The following ZHX2 variants were observed in gnomAD, a reference collection of about 807,000 sequenced individuals.
ZHX2 encodes the protein zinc fingers and homeoboxes protein 2.
In ZHX2, 6 loss-of-function variants were observed where a neutral mutation model predicts 21.9. The observed-to-expected ratio is 0.27, with a 90% CI of 0.15 to 0.54. The LOEUF (loss-of-function observed/expected upper bound fraction) is 0.54. ZHX2 is among the 20% of genes least tolerant of loss of function. The pLI is 0.95. For synonymous variants in ZHX2, 434 were observed against 437.1 expected (o/e 0.99, Z 0.09); for missense variants, 908 against 1,090.7 (o/e 0.83, Z 2.36).
At chr8:122,788,879 GGA>G (rs1423232532) in intron 1 of ZHX2, among the ~76,000 whole-genome samples, 1 of 152,220 alleles carries the variant, frequency 6.6e-6, no homozygotes, top group African/African-American at 2.4e-5. Flanking sequence ...AGTCAAAACA[GGA>G]GAGAATTACA....
intron 2 of ZHX2, among the ~76,000 whole-genome samples, chr8:122,901,124 G>A (rs1014942428): frequency 6.6e-6 from 1 of 152,136 alleles, no homozygotes; most frequent in African/African-American, 2.4e-5. Flanking sequence ...AAATTATTAA[G>A]CAAAGAGTAA....
intron 2 of ZHX2, among the ~76,000 whole-genome samples, chr8:122,884,736 C>G (rs1819799925): frequency 6.6e-6 from 1 of 152,158 alleles, no homozygotes; most frequent in Admixed American, 6.5e-5. Flanking sequence ...GTGCAGTGGG[C>G]CAAGCAGACC....
chr8:122,905,456 CATT>C (rs1409201685), intron 2 of ZHX2, among the ~76,000 whole-genome samples: 1 of 152,154 alleles, frequency 6.6e-6, no homozygotes, highest in African/African-American at 2.4e-5. Flanking sequence ...GTAGTCAAGA[CATT>C]ATCAGATGAA....
At chr8:122,820,604 G>T (rs1364440463) in intron 1 of ZHX2, among the ~76,000 whole-genome samples, 2 of 152,176 alleles carry the variant, frequency 1.3e-5, no homozygotes, top group Non-Finnish European at 2.9e-5. Flanking sequence ...GCTGTCTTGG[G>T]ATTGATACGG....
intron 2 of ZHX2, among the ~76,000 whole-genome samples, chr8:122,909,362 G>A (rs1342431672): frequency 6.6e-6 from 1 of 151,920 alleles, no homozygotes; most frequent in African/African-American, 2.4e-5. Flanking sequence ...GAACCCAGGA[G>A]GTGGAGGTTG....
At chr8:122,865,201 T>C (rs1159444268) in intron 2 of ZHX2, among the ~76,000 whole-genome samples, 1 of 151,478 alleles carries the variant, frequency 6.6e-6, no homozygotes, top group Non-Finnish European at 1.5e-5. Flanking sequence ...CGATCTCTGC[T>C]CACTGCAAGT....
At chr8:122,888,513 C>T (rs1041223364) in intron 2 of ZHX2, among the ~76,000 whole-genome samples, 1 of 152,062 alleles carries the variant, frequency 6.6e-6, no homozygotes, top group Non-Finnish European at 1.5e-5. Context: ...TGGAGTTTCA[C>T]TCCCATTGCC....
chr8:122,856,067 A>G (rs1035524944), intron 1 of ZHX2, among the ~76,000 whole-genome samples: 1 of 152,248 alleles, frequency 6.6e-6, no homozygotes, highest in African/African-American at 2.4e-5. Flanking sequence ...TTCAAATCAC[A>G]GCACGTCACT....
chr8:122,939,446 C>T (rs913926590), intron 2 of ZHX2, among the ~76,000 whole-genome samples: 4 of 152,090 alleles, frequency 2.6e-5, no homozygotes, highest in Non-Finnish European at 5.9e-5. Flanking sequence ...CTTTGTTTGC[C>T]TTTTTATGGA....
At chr8:122,913,820 G>A (rs1820536474) in intron 2 of ZHX2, among the ~76,000 whole-genome samples, 1 of 152,156 alleles carries the variant, frequency 6.6e-6, no homozygotes, top group African/African-American at 2.4e-5. Context: ...CCTCTCTTAT[G>A]ACAAAGGAAG....
chr8:122,837,858 T>G (rs1818538946), intron 1 of ZHX2, among the ~76,000 whole-genome samples: 3 of 152,172 alleles, frequency 2.0e-5, no homozygotes, highest in African/African-American at 7.2e-5. Flanking sequence ...TGACTTCCTC[T>G]TATTGGGTAA....
intron 2 of ZHX2, among the ~76,000 whole-genome samples, chr8:122,940,280 G>C (rs535469332): frequency 6.6e-6 from 1 of 152,222 alleles, no homozygotes; most frequent in Non-Finnish European, 1.5e-5. Flanking sequence ...GGAGGCCAAG[G>C]CTTTACCTAT....
intron 3 of ZHX2, among the ~76,000 whole-genome samples, chr8:122,955,081 G>A (rs910674360): frequency 7.1e-6 from 1 of 140,628 alleles, no homozygotes; most frequent in Non-Finnish European, 1.5e-5. Flanking sequence ...GGGGGGGGGG[G>A]GTGGCAGGGC....
At position 122,805,906 on chromosome 8, in the gene ZHX2, T is replaced by A. The variant is rs188138125; in HGVS notation, c.-283+23960T>A. ...AGTCCTTCTCTCTTTCCCTCTTCCC[T>A]CTAAACCTTTGCATATTCCAGTTCC... is the stretch of plus-strand genomic sequence containing the variant. On this transcript the variant is annotated intron_variant, in intron 1 of 3. Transcript: ENST00000314393. Among the ~76,000 whole-genome samples, 4 of 152,318 alleles carry A rather than the reference T, an allele frequency of 2.6e-5. No individual in the cohort carries two copies. In the East Asian group the frequency reaches 7.7e-4, roughly 29 times the overall value.
chr8:122,829,563 T>C (rs542185955), intron 1 of ZHX2, among the ~76,000 whole-genome samples: 2 of 152,194 alleles, frequency 1.3e-5, no homozygotes, highest in Non-Finnish European at 2.9e-5. Context: ...TCCCACCTCA[T>C]TGTAAGAGTT....
At chr8:122,836,167 C>G (rs1357287428) in intron 1 of ZHX2, among the ~76,000 whole-genome samples, 1 of 152,188 alleles carries the variant, frequency 6.6e-6, no homozygotes, top group African/African-American at 2.4e-5. Context: ...AGGCACCCCC[C>G]TAAGGCCAGA....
At chr8:122,813,404 C>T (rs1019126212) in intron 1 of ZHX2, among the ~76,000 whole-genome samples, 7 of 152,114 alleles carry the variant, frequency 4.6e-5, no homozygotes, top group Admixed American at 1.3e-4. Flanking sequence ...GAAAGACGCA[C>T]CTCCCTTATA....
chr8:122,966,041 C>A (rs1167941717), intron 3 of ZHX2, among the ~76,000 whole-genome samples: 1 of 151,958 alleles, frequency 6.6e-6, no homozygotes, highest in African/African-American at 2.4e-5. Context: ...TATGTGAATC[C>A]TTATGTGTTA....
intron 3 of ZHX2, among the ~76,000 whole-genome samples, chr8:122,961,079 A>G (rs1813430605): frequency 6.6e-6 from 1 of 152,266 alleles, no homozygotes; most frequent in African/African-American, 2.4e-5. Context: ...AGGCTGGGTC[A>G]CTTAAACAAC....
Sources: gnomAD v4.1 joint callset for allele counts (sites outside exome capture counted in the v4.1 genomes callset) on GRCh38, gnomAD v4.1.1 for gene constraint, MANE v1.5 for transcripts, NCBI Gene and HGNC (gene_info 2026-07-23, HGNC 2026-07-21) for gene names.